NECAB2: variants seen among roughly 807,000 people sequenced by gnomAD.
NECAB2 encodes N-terminal EF-hand calcium-binding protein 2.
A neutral mutation model predicts 51.9 loss-of-function variants in NECAB2; 68 were observed. The observed-to-expected ratio is 1.31, with a 90% CI of 1.08 to 1.60. NECAB2 has a LOEUF of 1.60. NECAB2 is among the 40% of genes most tolerant of loss of function. The probability of loss-of-function intolerance (pLI) is 0.00; values close to 1 mark genes in which losing one functional copy is unlikely to be tolerated. For synonymous variants in NECAB2, 329 were observed against 203.5 expected (o/e 1.62, Z -5.25); for missense variants, 854 against 490.3 (o/e 1.74, Z -7.00).
chr16:83,990,805 C>T (rs114099339), intron 6 of NECAB2, among the ~76,000 whole-genome samples, 175 bp downstream of exon 6: 81 of 152,110 alleles, frequency 5.3e-4, no homozygotes, highest in African/African-American at 1.8e-3. Context: ...AATTATATAC[C>T]TAAAATCTCA....
At chr16:83,990,793 A>G (rs894844157) in intron 6 of NECAB2, among the ~76,000 whole-genome samples, 163 bp downstream of exon 6, 1 of 152,112 alleles carries the variant, frequency 6.6e-6, no homozygotes, top group African/African-American at 2.4e-5. Context: ...TAATATAGGC[A>G]CAATTATATA....
chr16:83,975,860 C>T (rs567302527), intron 2 of NECAB2, among the ~76,000 whole-genome samples: 6 of 152,290 alleles, frequency 3.9e-5, no homozygotes, highest in African/African-American at 1.2e-4. Flanking sequence ...AGTGCCAGCG[C>T]GGGCCCGCTT....
In NECAB2 at chr16:83,993,221, C is replaced by T. The variant is rs1473417576; in HGVS notation, c.597-1081C>T. Among the ~76,000 whole-genome samples, 5 of 152,182 alleles carry T rather than the reference C, an allele frequency of 3.3e-5. No individual in the cohort carries two copies. The East Asian group carries it at 9.6e-4, about 29-fold the overall frequency. On this transcript the variant is annotated intron_variant, in intron 6 of 12. Coordinates refer to ENST00000305202, the MANE Select transcript of NECAB2 (RefSeq NM_019065.3). ...CTCTAGCACAGGCTACTGGCTCAGACCCCACCACCCGGGAGCCCTGAGCAA... is the reference window on the plus strand; with the variant it reads ...CTCTAGCACAGGCTACTGGCTCAGATCCCACCACCCGGGAGCCCTGAGCAA...
rs186567777 is a variant in NECAB2 at position 83,991,257 on chromosome 16, A to C, written c.596+627A>C. ...CTTAGCCTCCCAAAGTGCTGGGATGAAAGGTGTGAGCCACCACAGCTAGCC... is the reference window on the plus strand; with the variant it reads ...CTTAGCCTCCCAAAGTGCTGGGATGCAAGGTGTGAGCCACCACAGCTAGCC... On this transcript the variant is annotated intron_variant, in intron 6 of 12. Coordinates refer to ENST00000305202, the MANE Select transcript of NECAB2 (RefSeq NM_019065.3). Among the ~76,000 whole-genome samples the C allele has an allele frequency of 1.3e-3, 197 of 151,996 alleles. 1 individual carries two copies. Among genetic ancestry groups the C allele is most frequent in the Admixed American group, 5.8e-3 (88 of 15,254 alleles).
At chr16:83,982,964 G>A (rs1209296960) in intron 5 of NECAB2, among the ~76,000 whole-genome samples, 10 of 151,888 alleles carry the variant, frequency 6.6e-5, no homozygotes, top group African/African-American at 1.9e-4. Flanking sequence ...TGCCTCCTGG[G>A]TTTGAGTGAT....
chr16:84,002,263 T>C, intron 12 of NECAB2, 55 bp from the exon 13 acceptor site: 1 of 1,595,948 alleles, frequency 6.3e-7, no homozygotes, highest in African/African-American at 1.3e-5. Context: ...CACCACCAGC[T>C]ACGAGGCTGC....
intron 2 of NECAB2, among the ~76,000 whole-genome samples, chr16:83,973,887 T>A (rs2084375310): frequency 6.6e-6 from 1 of 152,100 alleles, no homozygotes; most frequent in South Asian, 2.1e-4. Context: ...CGAGTGTGTG[T>A]GCAGTTAGTG....
At chr16:83,997,842 G>A (rs1436328313) in intron 9 of NECAB2, among the ~76,000 whole-genome samples, 2 of 152,100 alleles carry the variant, frequency 1.3e-5, no homozygotes, top group Non-Finnish European at 2.9e-5. Flanking sequence ...AGAGCAAAGT[G>A]ATCAGCCAGA....
intron 5 of NECAB2, 110 bp from the exon 6 acceptor site, chr16:83,990,384 T>C: frequency 6.9e-7 from 1 of 1,439,076 alleles, no homozygotes; most frequent in South Asian, 1.3e-5. Flanking sequence ...CCCTTCCCTT[T>C]GCAAAGCAAA....
chr16:83,974,645 C>G lies in NECAB2; in HGVS notation c.226+2470C>G, dbSNP rs151002744. On this transcript the variant is annotated intron_variant, in intron 2 of 12. Coordinates refer to ENST00000305202, the MANE Select transcript of NECAB2 (RefSeq NM_019065.3). ...CCTTCCAGATGACGAAAACAAGGCTCGGAGATGGCACGTGATATTCTTCAC... is the reference window on the plus strand; with the variant it reads ...CCTTCCAGATGACGAAAACAAGGCTGGGAGATGGCACGTGATATTCTTCAC... Among the ~76,000 whole-genome samples, 20 of 152,266 alleles carry G rather than the reference C, an allele frequency of 1.3e-4. No individual in the cohort carries two copies. The East Asian group carries it at 3.5e-3, about 26-fold the overall frequency.
chr16:83,971,044 A>G (rs572986033), intron 1 of NECAB2, among the ~76,000 whole-genome samples: 7 of 152,176 alleles, frequency 4.6e-5, no homozygotes, highest in African/African-American at 1.7e-4. Context: ...CAGTGAGCCA[A>G]GATCGCGCCA....
At chr16:83,996,962 C>G (rs1256016041) in intron 8 of NECAB2, among the ~76,000 whole-genome samples, 1 of 152,046 alleles carries the variant, frequency 6.6e-6, no homozygotes, top group Non-Finnish European at 1.5e-5. Flanking sequence ...GTGGCAAACC[C>G]CAGCATCTTG....
intron 12 of NECAB2, 125 bp from the exon 13 acceptor site, chr16:84,002,193 A>T: frequency 7.9e-7 from 1 of 1,267,074 alleles, no homozygotes; most frequent in Non-Finnish European, 1.1e-6. Flanking sequence ...GGTGACCAGC[A>T]AGGACCTGTG....
rs757750776 is a variant in NECAB2 at position 83,990,552 on chromosome 16, C to T, written c.518C>T (p.Thr173Met). 2.7e-5 allele frequency: 44 copies of T among 1,614,024 alleles called. No individual in the cohort carries two copies. The highest frequency in any genetic ancestry group is 1.6e-4 in the Middle Eastern group (1 of 6,082). The change falls in exon 6 of 13, where the codon ACG becomes ATG. Residue 173 changes from threonine (T) to methionine (M), a missense_variant. Physicochemically the swap from Thr to Met is moderately conservative, Grantham distance 81. Transcript: ENST00000305202. Reference protein sequence around the residue: ...QFVTRFLLKETANQIQSLLSS... With the variant: ...QFVTRFLLKEMANQIQSLLSS... The stretch of plus-strand genomic sequence containing the variant: ...GTGACCCGCTTCCTCCTGAAGGAGA[C>T]GGCCAATCAGATCCAGTCGCTGCTG...
chr16:83,969,858 T>G (rs2084329659), intron 1 of NECAB2, among the ~76,000 whole-genome samples: 1 of 152,146 alleles, frequency 6.6e-6, no homozygotes, highest in African/African-American at 2.4e-5. Flanking sequence ...GTATCGCGGA[T>G]CCCTGTGAGT....
chr16:83,974,018 C>G (rs1023361727), intron 2 of NECAB2, among the ~76,000 whole-genome samples: 1 of 148,962 alleles, frequency 6.7e-6, no homozygotes, highest in Middle Eastern at 3.4e-3. Flanking sequence ...CAGGCTCCCC[C>G]CATCAGAGGC....
chr16:83,994,361 C>A lies in NECAB2; in HGVS notation c.656C>A (p.Pro219His), dbSNP rs79514285. The change falls in exon 7 of 13, where the codon CCC (proline) becomes CAC (histidine). Residue 219 changes from proline (P) to histidine (H), a missense_variant. By Grantham distance (77) the Pro-to-His change is moderately conservative. Coordinates refer to ENST00000305202, the MANE Select transcript of NECAB2 (RefSeq NM_019065.3). The part of the protein sequence containing the change: ...AAQTWCGSPT[P>H]ASAPNHKLMA... ...CAGACCTGGTGTGGAAGCCCCACTC[C>A]CGCCTCTGCCCCCAACCACAAGCTC... The A allele has an allele frequency of 6.2e-7, 1 of 1,614,178 alleles. No homozygotes were observed. The highest frequency in any genetic ancestry group is 2.2e-5 in the East Asian group (1 of 44,878).
At chr16:83,986,225 C>G (rs1332539982) in intron 5 of NECAB2, among the ~76,000 whole-genome samples, 3 of 152,174 alleles carry the variant, frequency 2.0e-5, no homozygotes, top group African/African-American at 7.2e-5. Flanking sequence ...CCCTGTTGGC[C>G]AGGCTGGTCT....
At chr16:84,002,043 C>G (rs746501664) in intron 12 of NECAB2, 127 bp downstream of exon 12, 7 of 1,157,972 alleles carry the variant, frequency 6.0e-6, no homozygotes, top group Non-Finnish European at 8.7e-6. Context: ...CTCCTGCCAC[C>G]AATGCCAGGC....
Sources: gnomAD v4.1 joint callset for allele counts (sites outside exome capture counted in the v4.1 genomes callset) on GRCh38, gnomAD v4.1.1 for gene constraint, MANE v1.5 for transcripts, NCBI Gene and HGNC (gene_info 2026-07-23, HGNC 2026-07-21) for gene names.